TSHZ2: variants seen among roughly 807,000 people sequenced by gnomAD.
TSHZ2 encodes the protein teashirt homolog 2.
A neutral mutation model predicts 74.4 loss-of-function variants in TSHZ2; 21 were observed. The ratio of observed to expected loss-of-function variants is 0.28; its 90% CI spans 0.20 to 0.41. The LOEUF (loss-of-function observed/expected upper bound fraction) is 0.41. Among genes scored for constraint, TSHZ2 ranks in the 10% least tolerant of loss-of-function variants. The pLI, the probability that TSHZ2 is intolerant of heterozygous loss-of-function variation, is 1.00. For missense variants in TSHZ2, 1,244 were observed against 1,293.5 expected (o/e 0.96, Z 0.59); for synonymous variants, 540 against 515.3 (o/e 1.05, Z -0.65).
intron 2 of TSHZ2, among the ~76,000 whole-genome samples, chr20:53,392,758 G>A (rs1044909236): frequency 6.6e-6 from 1 of 152,102 alleles, no homozygotes; most frequent in African/African-American, 2.4e-5. Flanking sequence ...TTTGTTACAT[G>A]GGTAAATTGT....
At chr20:53,003,722 T>C (rs1447214338) in intron 1 of TSHZ2, among the ~76,000 whole-genome samples, 1 of 152,160 alleles carries the variant, frequency 6.6e-6, no homozygotes, top group Non-Finnish European at 1.5e-5. Flanking sequence ...ATCCGTTGTC[T>C]GTGCTGATAG....
intron 1 of TSHZ2, among the ~76,000 whole-genome samples, chr20:53,227,410 G>C (rs1989709266): frequency 6.6e-6 from 1 of 151,154 alleles, no homozygotes; most frequent in Non-Finnish European, 1.5e-5. Flanking sequence ...TATATTTTAT[G>C]TTTCTTTTCA....
intron 1 of TSHZ2, among the ~76,000 whole-genome samples, chr20:53,130,006 G>A (rs1254823176): frequency 6.6e-6 from 1 of 151,786 alleles, no homozygotes; most frequent in Non-Finnish European, 1.5e-5. Flanking sequence ...GAGATGGGGG[G>A]TCCTGTGTCT....
At chr20:53,469,638 A>AAGGAAGGG (rs1985708878) in intron 2 of TSHZ2, among the ~76,000 whole-genome samples, 1 of 49,476 alleles carries the variant, frequency 2.0e-5, no homozygotes, top group Non-Finnish European at 3.8e-5. Context: ...GGGAGGGAGG[A>AAGGAAGGG]AGGAAGGAAG....
intron 1 of TSHZ2, among the ~76,000 whole-genome samples, chr20:53,240,736 TAGA>T (rs1302915817): frequency 1.3e-5 from 2 of 151,310 alleles, no homozygotes; most frequent in African/African-American, 4.9e-5. Flanking sequence ...GATAGATAGA[TAGA>T]TAGATAGATA....
intron 1 of TSHZ2, among the ~76,000 whole-genome samples, chr20:53,051,136 T>C (rs1403144303): frequency 6.6e-6 from 1 of 152,028 alleles, no homozygotes; most frequent in African/African-American, 2.4e-5. Context: ...GTCAGGAGTT[T>C]GAAACTAGCC....
intron 1 of TSHZ2, among the ~76,000 whole-genome samples, chr20:53,203,263 C>A (rs1309463790): frequency 6.7e-6 from 1 of 149,180 alleles, no homozygotes; most frequent in Non-Finnish European, 1.5e-5. Context: ...GGCACGATCT[C>A]GGCTCACTGC....
intron 1 of TSHZ2, among the ~76,000 whole-genome samples, chr20:53,150,706 G>A (rs1039743412): frequency 1.3e-5 from 2 of 151,030 alleles, no homozygotes; most frequent in Non-Finnish European, 1.5e-5. Flanking sequence ...AGGAGAGGAA[G>A]GAAGGAAAGG....
At chr20:53,043,671 T>C (rs973674894) in intron 1 of TSHZ2, among the ~76,000 whole-genome samples, 2 of 152,176 alleles carry the variant, frequency 1.3e-5, no homozygotes, top group African/African-American at 4.8e-5. Flanking sequence ...CATAATATAC[T>C]TTTTCTTCCA....
At chr20:53,071,167 G>A (rs1022702664) in intron 1 of TSHZ2, among the ~76,000 whole-genome samples, 11 of 152,130 alleles carry the variant, frequency 7.2e-5, no homozygotes, top group Non-Finnish European at 1.3e-4. Flanking sequence ...TTGGTGAACT[G>A]GTGAATCATG....
chr20:53,257,322 T>TAA (rs1460947174), intron 2 of TSHZ2, among the ~76,000 whole-genome samples: 1 of 152,220 alleles, frequency 6.6e-6, no homozygotes, highest in Non-Finnish European at 1.5e-5. Context: ...TTAACAAAGA[T>TAA]AGAGGCAATG....
intron 1 of TSHZ2, among the ~76,000 whole-genome samples, chr20:52,996,883 C>T (rs1298867649): frequency 6.6e-6 from 1 of 152,144 alleles, no homozygotes; most frequent in Non-Finnish European, 1.5e-5. Flanking sequence ...CTGTGGAAAA[C>T]ATTCCTGGTT....
At chr20:53,250,158 A>G (rs1311461178) in intron 1 of TSHZ2, among the ~76,000 whole-genome samples, 1 of 152,224 alleles carries the variant, frequency 6.6e-6, no homozygotes, top group African/African-American at 2.4e-5. Context: ...TTTTGCCACT[A>G]TGAAGTTTGA....
intron 1 of TSHZ2, among the ~76,000 whole-genome samples, chr20:53,132,913 C>T (rs1184484794): frequency 6.6e-6 from 1 of 152,106 alleles, no homozygotes; most frequent in Non-Finnish European, 1.5e-5. Context: ...CCTTCATTCC[C>T]TCTCTTCCAG....
chr20:53,094,066 T>G (rs907485446), intron 1 of TSHZ2, among the ~76,000 whole-genome samples: 11 of 152,234 alleles, frequency 7.2e-5, no homozygotes, highest in African/African-American at 2.6e-4. Context: ...CCGCCTTTTT[T>G]TGTAAGTAAA....
intron 2 of TSHZ2, among the ~76,000 whole-genome samples, chr20:53,422,751 A>G (rs1312497009): frequency 6.6e-6 from 1 of 152,148 alleles, no homozygotes. Context: ...AGGAGGGGAG[A>G]GAACAAAACC....
At chr20:53,103,158 A>G (rs1384713479) in intron 1 of TSHZ2, among the ~76,000 whole-genome samples, 1 of 152,212 alleles carries the variant, frequency 6.6e-6, no homozygotes, top group Non-Finnish European at 1.5e-5. Flanking sequence ...ACAGTTTCTC[A>G]TATTCAGGGG....
At chr20:53,045,919 C>G (rs771358321) in intron 1 of TSHZ2, among the ~76,000 whole-genome samples, 5 of 152,158 alleles carry the variant, frequency 3.3e-5, no homozygotes, top group Non-Finnish European at 5.9e-5. Flanking sequence ...ACAGTAAGTG[C>G]TGTTGATGGA....
intron 1 of TSHZ2, among the ~76,000 whole-genome samples, chr20:53,077,716 A>T (rs1985411305): frequency 6.6e-6 from 1 of 152,218 alleles, no homozygotes. Context: ...AAAGCCTGAC[A>T]AAAGGCCAGT....
Sources: allele counts gnomAD v4.1 joint callset (sites outside exome capture counted in the v4.1 genomes callset), GRCh38; gene constraint gnomAD v4.1.1; transcripts MANE v1.5; gene names NCBI Gene and HGNC (gene_info 2026-07-23, HGNC 2026-07-21).